The following TTK variants were observed in gnomAD, a reference collection of about 807,000 sequenced individuals.
TTK encodes the protein dual specificity protein kinase TTK.
TTK carries 59 observed loss-of-function variants against 117.3 expected under a neutral mutation model. The observed-to-expected ratio is 0.50, with a 90% CI of 0.41 to 0.62. The LOEUF is 0.62. TTK is among the 20% of genes least tolerant of loss of function. The pLI, the probability that TTK is intolerant of heterozygous loss-of-function variation, is 0.00. For synonymous variants in TTK, 302 were observed against 325.0 expected, an observed-to-expected ratio of 0.93 and a Z score of 0.76; for missense variants, 921 against 989.4, an observed-to-expected ratio of 0.93 and a Z score of 0.93.
At position 80,035,413 on chromosome 6, in the gene TTK, A is replaced by G. The variant is rs369621345; in HGVS notation, c.1920A>G (p.Gln640=). 9 of 1,600,784 alleles carry G rather than the reference A, an allele frequency of 5.6e-6. No individual in the cohort carries two copies. In the African/African-American group the frequency reaches 6.8e-5, roughly 12 times the overall value. ...NMLEAVHTIH[Q]HGIVHSDLKP... ...TAGAGGCAGTTCACACAATCCATCA[A>G]CATGGTATTTAACAGTTTTTTTATA... is the stretch of plus-strand genomic sequence containing the variant. The change falls in exon 16 of 22, where the codon CAA becomes CAG. Residue 640 remains glutamine (Q), a synonymous_variant. Transcript: ENST00000369798.
chr6:80,025,499 T>G (rs1767581414), intron 11 of TTK, among the ~76,000 whole-genome samples: 1 of 152,212 alleles, frequency 6.6e-6, no homozygotes, highest in South Asian at 2.1e-4. Context: ...GAAGTGAACC[T>G]CTGTAGACTA....
chr6:80,021,249 G>A (rs239576), intron 10 of TTK, among the ~76,000 whole-genome samples: 102,278 of 152,160 alleles, frequency 0.67, 34,961 homozygotes, highest in East Asian at 0.79. Context: ...GCTGCTGGGA[G>A]TTCCTTAAGG....
intron 4 of TTK, among the ~76,000 whole-genome samples, chr6:80,008,929 CTGTGTGTGTGTGTGTGTGTGTGTGTG>C (rs3049166): frequency 1.4e-5 from 2 of 142,300 alleles, no homozygotes; most frequent in East Asian, 2.2e-4. Context: ...AACTATATAT[CTGTGTGTGTGTGTGTGTGTGTGTGTG>C]TGTGTGTGTG....
chr6:80,011,751 G>A lies in TTK; in HGVS notation c.751G>A (p.Ala251Thr). ...LYGENMPPQD[A>T]EIGYRNSLRQ... Reference sequence around the variant, plus strand: ...TAGAGAGAACATGCCACCACAAGATGCAGAAATAGGTTACCGGAATTCATT... The same window carrying A: ...TAGAGAGAACATGCCACCACAAGATACAGAAATAGGTTACCGGAATTCATT... The change falls in exon 7 of 22, where the codon GCA becomes ACA. Residue 251 changes from alanine (A) to threonine (T), a missense_variant. Transcript: ENST00000369798. The A allele has an allele frequency of 6.2e-7, 1 of 1,612,724 alleles. No individual in the cohort carries two copies.
chr6:80,034,837 T>C, intron 14 of TTK, 148 bp from the exon 15 acceptor site: 1 of 590,906 alleles, frequency 1.7e-6, no homozygotes, highest in East Asian at 3.6e-5. Flanking sequence ...TTCTTCCTTC[T>C]ACACTCAAAA....
intron 16 of TTK, among the ~76,000 whole-genome samples, chr6:80,035,658 G>A (rs977204932): frequency 2.0e-5 from 3 of 152,096 alleles, no homozygotes; most frequent in Non-Finnish European, 4.4e-5. Flanking sequence ...ATTTTTCTCA[G>A]TATTAACGTA....
intron 4 of TTK, 152 bp from the exon 5 acceptor site, chr6:80,010,662 C>T (rs1767117623): frequency 1.4e-6 from 1 of 717,218 alleles, no homozygotes; most frequent in Admixed American, 3.2e-5. Context: ...TGCTTACTTG[C>T]CTATGAAATA....
At chr6:80,020,407 C>A (rs1767427474) in intron 10 of TTK, among the ~76,000 whole-genome samples, 2 of 151,808 alleles carry the variant, frequency 1.3e-5, no homozygotes, top group Admixed American at 1.3e-4. Context: ...AATAAAAAAA[C>A]AAAATCTCCA....
At chr6:80,035,595 C>T (rs1767885041) in intron 16 of TTK, among the ~76,000 whole-genome samples, 178 bp downstream of exon 16, 1 of 152,016 alleles carries the variant, frequency 6.6e-6, no homozygotes, top group Non-Finnish European at 1.5e-5. Context: ...ACACCGTTAA[C>T]CCAAAGGATA....
intron 17 of TTK, among the ~76,000 whole-genome samples, chr6:80,037,341 C>T (rs59035136): frequency 9.1e-4 from 139 of 152,076 alleles, no homozygotes; most frequent in African/African-American, 3.2e-3. Context: ...ATCAGCTTGA[C>T]AATATCTTCC....
intron 20 of TTK, 30 bp downstream of exon 20, chr6:80,040,310 C>T (rs375739370): frequency 2.6e-6 from 4 of 1,517,982 alleles, no homozygotes; most frequent in Non-Finnish European, 3.6e-6. Context: ...TTGTTTATTA[C>T]TAGATTGGTA....
At chr6:80,038,281 C>T (rs1767960074) in intron 18 of TTK, among the ~76,000 whole-genome samples, 1 of 152,186 alleles carries the variant, frequency 6.6e-6, no homozygotes, top group African/African-American at 2.4e-5. Context: ...TGGCCTGCCA[C>T]TGGCTACTTT....
At chr6:80,040,135 T>A (rs919896776) in intron 19 of TTK, 61 bp from the exon 20 acceptor site, 2 of 1,277,266 alleles carry the variant, frequency 1.6e-6, no homozygotes, top group Non-Finnish European at 1.1e-6. Flanking sequence ...AAAAATACTT[T>A]ATCAATATCA....
chr6:80,036,534 C>G lies in TTK; in HGVS notation c.1984C>G (p.Leu662Val). 1 of 1,611,792 alleles carries G rather than the reference C, an allele frequency of 6.2e-7. No homozygotes were observed. Among genetic ancestry groups the G allele is most frequent in the Non-Finnish European group, 8.5e-7 (1 of 1,178,858 alleles). The part of the protein sequence containing the change: ...NFLIVDGMLK[L>V]IDFGIANQMQ... ...TCTGATAGTTGATGGAATGCTAAAG[C>G]TAATTGATTTTGGGATTGCAAACCA... Residue 662 changes from leucine (L) to valine (V), a missense_variant, in exon 17 of 22, where the codon CTA becomes GTA. Physicochemically the swap from Leu to Val is conservative, Grantham distance 32. Coordinates refer to ENST00000369798, the MANE Select transcript of TTK (RefSeq NM_003318.5).
At chr6:80,016,782 G>T (rs1767319651) in intron 10 of TTK, among the ~76,000 whole-genome samples, 1 of 152,142 alleles carries the variant, frequency 6.6e-6, no homozygotes, top group African/African-American at 2.4e-5. Context: ...CACCTGGGCG[G>T]GTTCAGTTCA....
At chr6:80,034,313 A>G (rs1466654028) in intron 14 of TTK, among the ~76,000 whole-genome samples, 1 of 152,142 alleles carries the variant, frequency 6.6e-6, no homozygotes, top group African/African-American at 2.4e-5. Flanking sequence ...CAACTCTGAC[A>G]CTATCTCTAT....
chr6:80,023,450 G>A (rs922113484), intron 11 of TTK, among the ~76,000 whole-genome samples: 13 of 152,032 alleles, frequency 8.6e-5, no homozygotes, highest in Non-Finnish European at 1.5e-4. Context: ...AAAATTAGCC[G>A]GGTGTGGTGG....
Position 80,010,837 on chromosome 6 carries a change from C to A in TTK, c.493C>A (p.Leu165Ile). 6.2e-7 allele frequency: 1 copy of A among 1,610,154 alleles called. No homozygotes were observed. Among genetic ancestry groups the A allele is most frequent in the East Asian group, 2.2e-5 (1 of 44,804 alleles). ...SQGNVKKSKQ[L>I]LQKAVERGAV... ...AGGTAATGTCAAAAAAAGTAAACAA[C>A]TTCTTCAAAAAGCTGTAGAACGTGG... Residue 165 changes from leucine to isoleucine, a missense_variant, in exon 5 of 22, where the codon CTT becomes ATT. Coordinates refer to ENST00000369798, the MANE Select transcript of TTK (RefSeq NM_003318.5).
chr6:80,004,906 A>T (rs1294705727), intron 1 of TTK, 193 bp downstream of exon 1: 1 of 152,128 alleles, frequency 6.6e-6, no homozygotes, highest in Non-Finnish European at 1.5e-5. Flanking sequence ...CGGTGGGGTG[A>T]TGCAGGAGGT....
Sources: gnomAD v4.1 joint callset for allele counts (sites outside exome capture counted in the v4.1 genomes callset) on GRCh38, gnomAD v4.1.1 for gene constraint, MANE v1.5 for transcripts, NCBI Gene and HGNC (gene_info 2026-07-23, HGNC 2026-07-21) for gene names.